The following LRP1B variants were observed in gnomAD, a reference collection of about 807,000 sequenced individuals.
The protein encoded by LRP1B is low-density lipoprotein receptor-related protein 1B.
A neutral mutation model predicts 556.6 loss-of-function variants in LRP1B; 217 were observed. The observed-to-expected ratio is 0.39, with a 90% CI of 0.35 to 0.44. LRP1B has a LOEUF of 0.44. LRP1B is among the 20% of genes least tolerant of loss of function. The probability of loss-of-function intolerance (pLI) is 1.00; values close to 1 mark genes in which losing one functional copy is unlikely to be tolerated. For synonymous variants in LRP1B, 2,047 were observed against 1,865.8 expected, an observed-to-expected ratio of 1.10 and a Z score of -2.50; for missense variants, 5,053 against 5,620.8, an observed-to-expected ratio of 0.90 and a Z score of 3.23.
At chr2:140,723,680 T>C (rs1379217094) in intron 35 of LRP1B, among the ~76,000 whole-genome samples, 1 of 152,226 alleles carries the variant, frequency 6.6e-6, no homozygotes, top group Non-Finnish European at 1.5e-5. Context: ...TACATTAATA[T>C]TATCTCTTGT....
chr2:140,651,527 A>T (rs1250026286), intron 41 of LRP1B, among the ~76,000 whole-genome samples: 34 of 21,314 alleles, frequency 1.6e-3, no homozygotes, highest in Non-Finnish European at 4.2e-3. Flanking sequence ...TACAAAAATT[A>T]AAAAAAAAAA....
chr2:140,518,872 G>A (rs999663054), intron 49 of LRP1B, among the ~76,000 whole-genome samples: 1 of 152,134 alleles, frequency 6.6e-6, no homozygotes, highest in African/African-American at 2.4e-5. Context: ...CACGTCATCT[G>A]CAAACACGGA....
At chr2:141,400,324 T>A (rs1003405681) in intron 3 of LRP1B, among the ~76,000 whole-genome samples, 3 of 152,196 alleles carry the variant, frequency 2.0e-5, no homozygotes, top group African/African-American at 7.2e-5. Context: ...CATTTAAGGA[T>A]TGTTTTCACA....
intron 29 of LRP1B, among the ~76,000 whole-genome samples, chr2:140,846,195 T>C (rs1439170275): frequency 1.3e-5 from 2 of 152,168 alleles, no homozygotes; most frequent in Non-Finnish European, 2.9e-5. Context: ...AAAGGAATGA[T>C]AGAAAATAGC....
chr2:140,892,815 ACTAT>A (rs1407684595), intron 23 of LRP1B, among the ~76,000 whole-genome samples: 1 of 152,162 alleles, frequency 6.6e-6, no homozygotes, highest in Non-Finnish European at 1.5e-5. Context: ...GCTCTACGAC[ACTAT>A]CTAGTGATTA....
intron 29 of LRP1B, 141 bp downstream of exon 29, chr2:140,849,961 A>G (rs17517841): frequency 0.036 from 22,040 of 616,412 alleles, 515 homozygotes; most frequent in Middle Eastern, 0.063. Flanking sequence ...AGGATGTAGC[A>G]TATTATTAAA....
At chr2:141,436,763 A>G (rs1464130945) in intron 3 of LRP1B, among the ~76,000 whole-genome samples, 2 of 152,290 alleles carry the variant, frequency 1.3e-5, no homozygotes, top group East Asian at 3.9e-4. Context: ...TTCTCTGAGG[A>G]ACAGTTTAGG....
chr2:141,477,569 C>T (rs538111196), intron 3 of LRP1B, among the ~76,000 whole-genome samples: 3 of 152,246 alleles, frequency 2.0e-5, no homozygotes, highest in African/African-American at 4.8e-5. Flanking sequence ...ACTATATAAA[C>T]GTTGCAAATC....
chr2:142,084,703 G>C (rs1336005387), intron 1 of LRP1B, among the ~76,000 whole-genome samples: 1 of 151,982 alleles, frequency 6.6e-6, no homozygotes, highest in Non-Finnish European at 1.5e-5. Context: ...ATTTATCCTA[G>C]GATTACTGTA....
At chr2:140,869,418 C>T (rs1693055989) in intron 25 of LRP1B, among the ~76,000 whole-genome samples, 1 of 151,986 alleles carries the variant, frequency 6.6e-6, no homozygotes, top group Admixed American at 6.6e-5. Flanking sequence ...GAATAAAAAA[C>T]CCACAACAAT....
At chr2:141,873,294 A>AC (rs1298410848) in intron 1 of LRP1B, among the ~76,000 whole-genome samples, 1 of 152,012 alleles carries the variant, frequency 6.6e-6, no homozygotes, top group Non-Finnish European at 1.5e-5. Flanking sequence ...CATGTCTAAA[A>AC]ATAAAATACA....
At chr2:140,287,062 A>G (rs1380108006) in intron 84 of LRP1B, among the ~76,000 whole-genome samples, 2 of 151,850 alleles carry the variant, frequency 1.3e-5, no homozygotes, top group Non-Finnish European at 1.5e-5. Flanking sequence ...ATTAAAAAAG[A>G]ATATTTTAAT....
intron 1 of LRP1B, among the ~76,000 whole-genome samples, chr2:142,115,652 T>A (rs540619456): frequency 3.2e-4 from 2 of 6,268 alleles, no homozygotes; most frequent in Non-Finnish European, 7.5e-4. Context: ...AATATATATA[T>A]TATATGTAAT....
At chr2:141,094,053 A>G (rs773448637) in intron 7 of LRP1B, among the ~76,000 whole-genome samples, 1 of 152,130 alleles carries the variant, frequency 6.6e-6, no homozygotes, top group Non-Finnish European at 1.5e-5. Context: ...TCATTACGAT[A>G]TATTTCTAGA....
intron 3 of LRP1B, among the ~76,000 whole-genome samples, chr2:141,297,391 A>T (rs145000226): frequency 2.6e-5 from 4 of 152,212 alleles, no homozygotes; most frequent in African/African-American, 9.6e-5. Flanking sequence ...TATGGAGAGC[A>T]GTTTAGTGAT....
chr2:140,237,487 T>C (rs1307602382), intron 89 of LRP1B, among the ~76,000 whole-genome samples: 1 of 150,906 alleles, frequency 6.6e-6, no homozygotes, highest in Non-Finnish European at 1.5e-5. Flanking sequence ...TTCCTACTTA[T>C]TATGTATCAA....
chr2:141,587,216 C>T (rs1424762464), intron 2 of LRP1B, among the ~76,000 whole-genome samples: 2 of 152,104 alleles, frequency 1.3e-5, no homozygotes, highest in Non-Finnish European at 2.9e-5. Flanking sequence ...TGTCATCTAA[C>T]CCCTTTCTCT....
At chr2:140,326,601 G>A (rs563631068) in intron 79 of LRP1B, among the ~76,000 whole-genome samples, 1 of 152,066 alleles carries the variant, frequency 6.6e-6, no homozygotes, top group South Asian at 2.1e-4. Context: ...TGCAATTCCA[G>A]CTACTCCGGA....
intron 66 of LRP1B, among the ~76,000 whole-genome samples, chr2:140,393,981 A>C (rs1684138792): frequency 6.6e-6 from 1 of 152,148 alleles, no homozygotes; most frequent in African/African-American, 2.4e-5. Flanking sequence ...TTACATTATA[A>C]GGAAACAAAT....
Sources: gnomAD v4.1 joint callset for allele counts (sites outside exome capture counted in the v4.1 genomes callset) on GRCh38, gnomAD v4.1.1 for gene constraint, MANE v1.5 for transcripts, NCBI Gene and HGNC (gene_info 2026-07-23, HGNC 2026-07-21) for gene names.